The following NCOA2 variants were observed in gnomAD, a reference collection of about 807,000 sequenced individuals.
NCOA2 encodes the protein class E basic helix-loop-helix protein 75.
Under a neutral mutation model 145.1 loss-of-function variants are expected in NCOA2, and 21 were observed. The observed-to-expected ratio is 0.14, with a 90% CI of 0.10 to 0.21. The LOEUF (loss-of-function observed/expected upper bound fraction) is 0.21. Among genes scored for constraint, NCOA2 ranks in the 10% least tolerant of loss-of-function variants. The pLI, the probability that NCOA2 is intolerant of heterozygous loss-of-function variation, is 1.00. For missense variants in NCOA2, 1,472 were observed against 1,837.6 expected, an observed-to-expected ratio of 0.80 and a Z score of 3.64; for synonymous variants, 619 against 637.5, an observed-to-expected ratio of 0.97 and a Z score of 0.44.
chr8:70,180,946 T>C (rs115682835), intron 4 of NCOA2, among the ~76,000 whole-genome samples: 2 of 152,234 alleles, frequency 1.3e-5, no homozygotes, highest in African/African-American at 4.8e-5. Flanking sequence ...TAGCAAAAAA[T>C]TTATTTTTAA....
chr8:70,343,848 T>C (rs1321894994), intron 1 of NCOA2, among the ~76,000 whole-genome samples: 4 of 151,434 alleles, frequency 2.6e-5, no homozygotes, highest in East Asian at 1.9e-4. Flanking sequence ...CAATTGAACA[T>C]GAGTTCCATG....
At chr8:70,246,542 T>C (rs1822635727) in intron 2 of NCOA2, among the ~76,000 whole-genome samples, 1 of 152,148 alleles carries the variant, frequency 6.6e-6, no homozygotes, top group Non-Finnish European at 1.5e-5. Context: ...ATTTTTAATA[T>C]ATATATTTTA....
chr8:70,426,827 G>A, the NCOA2 span, among the ~76,000 whole-genome samples: 1 of 152,184 alleles, frequency 6.6e-6, no homozygotes, highest in East Asian at 1.9e-4. Context: ...TAGAGACAGG[G>A]TCTTGCTGAG....
rs530082810 is a variant in NCOA2 at position 70,135,920 on chromosome 8, T to C, written c.3158+2283A>G. ...TAAGAAGGAGAATTAGGTCAAATTC[T>C]CAGCACTTGATTGAGAAACCATAAC... is the stretch of plus-strand genomic sequence containing the variant. On this transcript the variant is annotated intron_variant, in intron 15 of 22. Transcript: ENST00000452400. Among the ~76,000 whole-genome samples the C allele has an allele frequency of 1.2e-4, 19 of 152,342 alleles. No homozygotes were observed. The East Asian group carries it at 3.7e-3, about 29-fold the overall frequency.
intron 21 of NCOA2, among the ~76,000 whole-genome samples, chr8:70,123,134 C>A (rs1438664142): frequency 1.3e-5 from 2 of 152,174 alleles, no homozygotes; most frequent in East Asian, 3.8e-4. Context: ...GTCTCTCTGC[C>A]ATCTAGTGAA....
Position 70,213,905 on chromosome 8 carries a change from T to C in NCOA2, c.257A>G (p.Gln86Arg). 1 of 1,584,636 alleles carries C rather than the reference T, an allele frequency of 6.3e-7. No individual in the cohort carries two copies. Among genetic ancestry groups the C allele is most frequent in the Non-Finnish European group, 8.6e-7 (1 of 1,165,610 alleles). ...AAATACTAATTCAGTCCTCTTACCTTGTTCTTTGATCTGACGAATTTGCTT... is the reference window on the plus strand; with the variant it reads ...AAATACTAATTCAGTCCTCTTACCTCGTTCTTTGATCTGACGAATTTGCTT... The part of the protein sequence containing the change: ...TVKQIRQIKE[Q>R]EKAAAANIDE... The change falls in exon 4 of 23, where the codon CAA (glutamine) becomes CGA (arginine). Residue 86 changes from glutamine (Q) to arginine (R), a missense_variant and splice_region_variant. Gln to Arg is a conservative substitution (Grantham distance 43). Transcript: ENST00000452400.
intron 2 of NCOA2, among the ~76,000 whole-genome samples, chr8:70,259,974 A>C (rs1225731117): frequency 6.6e-6 from 1 of 152,238 alleles, no homozygotes; most frequent in African/African-American, 2.4e-5. Flanking sequence ...GGATGAGTCA[A>C]ATACAAAGTG....
intron 1 of NCOA2, among the ~76,000 whole-genome samples, chr8:70,320,815 C>T (rs1468953453): frequency 6.6e-6 from 1 of 152,076 alleles, no homozygotes; most frequent in Non-Finnish European, 1.5e-5. Flanking sequence ...GGTAACTGGT[C>T]TCGAAAACAA....
At chr8:70,213,126 C>T (rs951555834) in intron 4 of NCOA2, among the ~76,000 whole-genome samples, 4 of 142,334 alleles carry the variant, frequency 2.8e-5, no homozygotes, top group Admixed American at 2.8e-4. Context: ...CACCAGATTA[C>T]AAAAGATAAT....
At chr8:70,209,750 T>C (rs1818821941) in intron 4 of NCOA2, among the ~76,000 whole-genome samples, 1 of 152,248 alleles carries the variant, frequency 6.6e-6, no homozygotes, top group African/African-American at 2.4e-5. Context: ...AGTAATACCA[T>C]TGTACGCTTA....
intron 2 of NCOA2, among the ~76,000 whole-genome samples, chr8:70,223,739 C>A (rs1427143669): frequency 6.6e-6 from 1 of 152,110 alleles, no homozygotes; most frequent in Non-Finnish European, 1.5e-5. Context: ...AATTGAGGTA[C>A]ACGAGAAATA....
intron 21 of NCOA2, among the ~76,000 whole-genome samples, chr8:70,121,893 A>G (rs961130184): frequency 6.6e-6 from 1 of 152,240 alleles, no homozygotes; most frequent in South Asian, 2.1e-4. Context: ...ATTTCTTTAC[A>G]CATTAGAAAG....
At chr8:70,348,736 C>A (rs556401290) in intron 1 of NCOA2, among the ~76,000 whole-genome samples, 1 of 152,050 alleles carries the variant, frequency 6.6e-6, no homozygotes, top group South Asian at 2.1e-4. Context: ...TTAATAGAAA[C>A]CAGGAAATTT....
intron 22 of NCOA2, among the ~76,000 whole-genome samples, chr8:70,117,995 A>G (rs546666167): frequency 1.3e-5 from 2 of 152,300 alleles, no homozygotes; most frequent in African/African-American, 4.8e-5. Flanking sequence ...GGGCAGGTCA[A>G]TTCCTGGGGT....
chr8:70,128,915 C>G lies in NCOA2; in HGVS notation c.3390G>C (p.Ala1130=). The change falls in exon 17 of 23, where the codon GCG becomes GCC. Residue 1130 remains alanine (A), a synonymous_variant. Transcript: ENST00000452400. ...QDSNIMLEQK[A]PVFPQQYASQ... ...ATGCATACTGCTGTGGGAAAACGGGCGCCTTCTGCTCCAGCATGATGTTGG... is the reference window on the plus strand; with the variant it reads ...ATGCATACTGCTGTGGGAAAACGGGGGCCTTCTGCTCCAGCATGATGTTGG... 6.2e-7 allele frequency: 1 copy of G among 1,612,510 alleles called. No homozygotes were observed. Among genetic ancestry groups the G allele is most frequent in the Non-Finnish European group, 8.5e-7 (1 of 1,179,194 alleles).
chr8:70,200,940 T>A (rs1586070830), intron 4 of NCOA2, among the ~76,000 whole-genome samples: 1 of 146,926 alleles, frequency 6.8e-6, no homozygotes, highest in Non-Finnish European at 1.5e-5. Flanking sequence ...CCTAGCTACT[T>A]GGGAGGCTGA....
intron 2 of NCOA2, among the ~76,000 whole-genome samples, chr8:70,294,591 G>A (rs1299409906): frequency 1.3e-5 from 2 of 152,156 alleles, no homozygotes; most frequent in African/African-American, 4.8e-5. Context: ...AAATATAAGT[G>A]AAATAATGTT....
At chr8:70,270,454 G>A (rs1824956441) in intron 2 of NCOA2, among the ~76,000 whole-genome samples, 1 of 151,996 alleles carries the variant, frequency 6.6e-6, no homozygotes, top group South Asian at 2.1e-4. Context: ...CCATTATCTG[G>A]CATGCAACTG....
At chr8:70,395,939 C>A (rs1813626219) in intron 1 of NCOA2, among the ~76,000 whole-genome samples, 2 of 152,200 alleles carry the variant, frequency 1.3e-5, no homozygotes, top group Admixed American at 6.5e-5. Flanking sequence ...ACACTGTAAG[C>A]AATGCATGCT....
Sources: allele counts gnomAD v4.1 joint callset (sites outside exome capture counted in the v4.1 genomes callset), GRCh38; gene constraint gnomAD v4.1.1; transcripts MANE v1.5; gene names NCBI Gene and HGNC (gene_info 2026-07-23, HGNC 2026-07-21).